Variants in MAP4K3 observed in about 807,000 individuals in gnomAD.
MAP4K3 encodes MAPK/ERK kinase kinase kinase 3.
In MAP4K3, 94 loss-of-function variants were observed where a neutral mutation model predicts 143.5. The observed-to-expected ratio is 0.65, with a 90% CI of 0.55 to 0.78. MAP4K3 has a LOEUF of 0.78. Ranked by LOEUF, MAP4K3 falls within the 30% of genes least tolerant of loss-of-function variation. MAP4K3 has a pLI of 0.00. For synonymous variants in MAP4K3, 416 were observed against 347.2 expected, an observed-to-expected ratio of 1.20 and a Z score of -2.20; for missense variants, 1,077 against 1,068.1, an observed-to-expected ratio of 1.01 and a Z score of -0.12.
intron 1 of MAP4K3, among the ~76,000 whole-genome samples, chr2:39,396,044 CTGTT>C (rs912046600): frequency 1.3e-5 from 2 of 151,828 alleles, no homozygotes; most frequent in African/African-American, 2.4e-5. Flanking sequence ...TTTTGTTTGT[CTGTT>C]TGTTTTGAGA....
chr2:39,411,819 G>A (rs888399452), intron 1 of MAP4K3, among the ~76,000 whole-genome samples: 4 of 152,296 alleles, frequency 2.6e-5, no homozygotes, highest in African/African-American at 4.8e-5. Flanking sequence ...CTTGAGGTTC[G>A]AAGGGTAATG....
At chr2:39,429,644 A>C (rs1369205402) in intron 1 of MAP4K3, among the ~76,000 whole-genome samples, 1 of 152,226 alleles carries the variant, frequency 6.6e-6, no homozygotes, top group Non-Finnish European at 1.5e-5. Context: ...ATGAATTTAG[A>C]ATTATGTATC....
intron 22 of MAP4K3, among the ~76,000 whole-genome samples, chr2:39,281,218 A>G (rs1681512761): frequency 6.6e-6 from 1 of 152,222 alleles, no homozygotes; most frequent in South Asian, 2.1e-4. Context: ...GCATCATTTT[A>G]TAGAAGGAAT....
chr2:39,375,647 T>A (rs1211990432), intron 2 of MAP4K3, among the ~76,000 whole-genome samples: 5 of 152,218 alleles, frequency 3.3e-5, no homozygotes, highest in Non-Finnish European at 5.9e-5. Flanking sequence ...AATTGGATAG[T>A]TCAGCAATTT....
At chr2:39,343,026 T>A (rs965609716) in intron 4 of MAP4K3, among the ~76,000 whole-genome samples, 1 of 152,184 alleles carries the variant, frequency 6.6e-6, no homozygotes, top group African/African-American at 2.4e-5. Context: ...CTTGAATACA[T>A]GAGAGCAAAA....
intron 1 of MAP4K3, among the ~76,000 whole-genome samples, chr2:39,434,151 T>C (rs997612781): frequency 1.4e-4 from 21 of 152,244 alleles, no homozygotes; most frequent in African/African-American, 4.3e-4. Context: ...ATTTATTTAA[T>C]CCAATCATTC....
At chr2:39,290,596 T>TA (rs1377390418) in intron 18 of MAP4K3, among the ~76,000 whole-genome samples, 36 of 146,866 alleles carry the variant, frequency 2.5e-4, no homozygotes, top group East Asian at 4.0e-4. Flanking sequence ...ATGTGGAAGC[T>TA]AAAAAAAAAA....
intron 3 of MAP4K3, among the ~76,000 whole-genome samples, chr2:39,354,566 C>T (rs946441419): frequency 2.0e-5 from 3 of 151,254 alleles, no homozygotes; most frequent in East Asian, 1.9e-4. Context: ...TGCAGTGAGC[C>T]GATATCACGC....
intron 6 of MAP4K3, among the ~76,000 whole-genome samples, chr2:39,335,879 A>G (rs951664417): frequency 6.6e-6 from 1 of 152,206 alleles, no homozygotes; most frequent in African/African-American, 2.4e-5. Context: ...GACAGTTCAT[A>G]GTTTATCATC....
chr2:39,299,861 TAATA>T (rs1259210388), intron 15 of MAP4K3, 60 bp from the exon 16 acceptor site: 9 of 675,876 alleles, frequency 1.3e-5, no homozygotes, highest in South Asian at 8.2e-5. Context: ...CATGATACAT[TAATA>T]TATATAATAC....
At position 39,400,520 on chromosome 2, in the gene MAP4K3, T is replaced by C. The variant is rs560209740; in HGVS notation, c.97-22397A>G. Among the ~76,000 whole-genome samples the C allele has an allele frequency of 1.2e-4, 19 of 152,146 alleles. No homozygotes were observed. The South Asian group carries it at 3.1e-3, about 25-fold the overall frequency. On this transcript the variant is annotated intron_variant, in intron 1 of 33. Transcript: ENST00000263881. ...GAGCTTAGGTTTTATTGTTCCCCCC[T>C]CTCTTTCTTCCCCTTCATTTAGTTC...
At chr2:39,282,806 T>G (rs1002317101) in intron 21 of MAP4K3, among the ~76,000 whole-genome samples, 1 of 152,242 alleles carries the variant, frequency 6.6e-6, no homozygotes, top group Non-Finnish European at 1.5e-5. Context: ...TATGTAATCA[T>G]ATGGCTTTCC....
chr2:39,374,456 T>C (rs1025954085), intron 2 of MAP4K3, among the ~76,000 whole-genome samples: 1 of 151,288 alleles, frequency 6.6e-6, no homozygotes, highest in African/African-American at 2.4e-5. Context: ...CAGAGGCGGG[T>C]GGATCACCTG....
At chr2:39,406,097 A>G (rs2148612958) in intron 1 of MAP4K3, among the ~76,000 whole-genome samples, 1 of 152,216 alleles carries the variant, frequency 6.6e-6, no homozygotes, top group East Asian at 1.9e-4. Context: ...TGCAACAGAC[A>G]TACTGAAGAG....
intron 33 of MAP4K3, 29 bp from the exon 34 acceptor site, chr2:39,250,734 A>G (rs763212958): frequency 6.3e-7 from 1 of 1,582,420 alleles, no homozygotes; most frequent in South Asian, 1.1e-5. Flanking sequence ...ATATAACAAA[A>G]CAAAGTTATT....
chr2:39,294,720 T>G (rs1227393528), intron 16 of MAP4K3, among the ~76,000 whole-genome samples: 11 of 152,218 alleles, frequency 7.2e-5, no homozygotes, highest in Non-Finnish European at 1.3e-4. Flanking sequence ...GTAGGTAAAG[T>G]GCCCAGAAGG....
intron 16 of MAP4K3, among the ~76,000 whole-genome samples, chr2:39,295,105 A>G (rs991642785): frequency 2.6e-5 from 4 of 151,762 alleles, no homozygotes; most frequent in African/African-American, 7.3e-5. Context: ...AAAAATAGCT[A>G]TTTTTTTCAT....
At chr2:39,381,338 T>C (rs948921578) in intron 1 of MAP4K3, among the ~76,000 whole-genome samples, 2 of 152,228 alleles carry the variant, frequency 1.3e-5, no homozygotes, top group Admixed American at 1.3e-4. Context: ...TTAAATTCTT[T>C]TTAAATTGTT....
intron 12 of MAP4K3, among the ~76,000 whole-genome samples, chr2:39,322,703 T>C (rs567337113): frequency 6.6e-4 from 99 of 151,004 alleles, no homozygotes; most frequent in African/African-American, 2.4e-3. Flanking sequence ...GGAGTCTCGC[T>C]CTGTTGCCCA....
Sources: gnomAD v4.1 joint callset for allele counts (sites outside exome capture counted in the v4.1 genomes callset) on GRCh38, gnomAD v4.1.1 for gene constraint, MANE v1.5 for transcripts, NCBI Gene and HGNC (gene_info 2026-07-23, HGNC 2026-07-21) for gene names.